The following COLQ variants were observed in gnomAD, a reference collection of about 807,000 sequenced individuals.
The protein encoded by COLQ is collagen like tail subunit of asymmetric acetylcholinesterase.
Under a neutral mutation model 69.0 loss-of-function variants are expected in COLQ, and 48 were observed. The observed-to-expected ratio is 0.70, with a 90% CI of 0.55 to 0.88. The LOEUF (loss-of-function observed/expected upper bound fraction) is 0.88. Among genes scored for constraint, COLQ ranks in the 40% least tolerant of loss-of-function variants. The probability of loss-of-function intolerance (pLI) is 0.00; values close to 1 mark genes in which losing one functional copy is unlikely to be tolerated. For missense variants in COLQ, 618 were observed against 594.6 expected (o/e 1.04, Z -0.41); for synonymous variants, 217 against 211.2 (o/e 1.03, Z -0.24).
chr3:15,458,043 A>G (rs1189729498), intron 13 of COLQ, 143 bp downstream of exon 13: 1 of 853,576 alleles, frequency 1.2e-6, no homozygotes, highest in Non-Finnish European at 1.9e-6. Context: ...ATTTTCTCAT[A>G]TTTTCCAATT....
chr3:15,511,597 G>C (rs953466583), intron 1 of COLQ, among the ~76,000 whole-genome samples: 1 of 152,108 alleles, frequency 6.6e-6, no homozygotes, highest in South Asian at 2.1e-4. Context: ...TAGAGACAGG[G>C]GACTCCTGTG....
intron 12 of COLQ, among the ~76,000 whole-genome samples, chr3:15,459,891 T>A (rs1415396510): frequency 1.3e-5 from 2 of 152,068 alleles, no homozygotes; most frequent in Non-Finnish European, 2.9e-5. Context: ...TCCATATTTT[T>A]AAAAGCTCTC....
At chr3:15,452,734 G>C (rs73146103) in intron 16 of COLQ, among the ~76,000 whole-genome samples, 9,903 of 152,260 alleles carry the variant, frequency 0.065, 561 homozygotes, top group African/African-American at 0.15. Flanking sequence ...ATGGAGTGGG[G>C]TCCTGGCCAA....
At chr3:15,496,370 T>C (rs2062745848) in intron 1 of COLQ, 1 of 155,972 alleles carries the variant, frequency 6.4e-6, no homozygotes, top group African/African-American at 2.4e-5. Context: ...CAGGTGGACG[T>C]GTTTGGGAGC....
chr3:15,463,863 G>A (rs2062158580), intron 12 of COLQ, among the ~76,000 whole-genome samples: 1 of 152,204 alleles, frequency 6.6e-6, no homozygotes, highest in Non-Finnish European at 1.5e-5. Flanking sequence ...ATTATGGAGT[G>A]TGGGCACATG....
chr3:15,470,576 T>G lies in COLQ; in HGVS notation c.677A>C (p.His226Pro). ...TCCTGGTCTTCCTGTGGGTCCTCGG[T>G]GTCCTGCTATCCCAGGTTCACCTTT... Reference protein sequence around the residue: ...GPKGEPGIAGHRGPTGRPGKR... With the variant: ...GPKGEPGIAGPRGPTGRPGKR... The change falls in exon 11 of 17, where the codon CAC becomes CCC. Residue 226 changes from histidine to proline, a missense_variant. His to Pro is a moderately conservative substitution (Grantham distance 77). Transcript: ENST00000383788. The G allele has an allele frequency of 6.2e-7, 1 of 1,614,110 alleles. No individual in the cohort carries two copies. The highest frequency in any genetic ancestry group is 8.5e-7 in the Non-Finnish European group (1 of 1,180,022).
intron 1 of COLQ, among the ~76,000 whole-genome samples, chr3:15,512,219 C>T (rs181106835): frequency 2.6e-5 from 4 of 152,254 alleles, no homozygotes; most frequent in Admixed American, 2.0e-4. Context: ...GGAACCTGCC[C>T]GACTCACACC....
chr3:15,520,868 C>G (rs1234311916), intron 1 of COLQ, among the ~76,000 whole-genome samples: 3 of 152,162 alleles, frequency 2.0e-5, no homozygotes, highest in Non-Finnish European at 2.9e-5. Context: ...CTGTGGAACC[C>G]CCTCCACTTC....
chr3:15,469,524 CG>C (rs1355060335), intron 11 of COLQ, among the ~76,000 whole-genome samples: 1 of 152,156 alleles, frequency 6.6e-6, no homozygotes. Context: ...ATTGTAACTT[CG>C]AAAGTTACTG....
intron 1 of COLQ, among the ~76,000 whole-genome samples, chr3:15,515,825 A>G (rs2063053880): frequency 6.6e-6 from 1 of 152,230 alleles, no homozygotes; most frequent in African/African-American, 2.4e-5. Context: ...AAAATAAAAA[A>G]TAAAATAAAA....
At chr3:15,471,236 A>C (rs1329164764) in intron 10 of COLQ, among the ~76,000 whole-genome samples, 1 of 152,230 alleles carries the variant, frequency 6.6e-6, no homozygotes, top group Non-Finnish European at 1.5e-5. Context: ...AGATGTTCCA[A>C]ACATATGTTC....
At chr3:15,493,658 C>A (rs761134071) in intron 1 of COLQ, among the ~76,000 whole-genome samples, 2 of 152,232 alleles carry the variant, frequency 1.3e-5, no homozygotes, top group Non-Finnish European at 2.9e-5. Flanking sequence ...GTCATGGGGG[C>A]AGCTAAGCAG....
At chr3:15,511,329 A>G (rs1406932676) in intron 1 of COLQ, among the ~76,000 whole-genome samples, 1 of 152,242 alleles carries the variant, frequency 6.6e-6, no homozygotes, top group African/African-American at 2.4e-5. Flanking sequence ...TCTACTGGAC[A>G]TGAACAAAAT....
At chr3:15,465,238 TTATTTA>T (rs2062180345) in intron 12 of COLQ, among the ~76,000 whole-genome samples, 1 of 119,208 alleles carries the variant, frequency 8.4e-6, no homozygotes, top group Admixed American at 9.5e-5. Context: ...ATATTTTGAT[TTATTTA>T]TTTATTTATT....
chr3:15,480,112 C>T (rs2100545), intron 3 of COLQ, among the ~76,000 whole-genome samples: 53,872 of 152,060 alleles, frequency 0.35, 9,851 homozygotes, highest in East Asian at 0.49. Flanking sequence ...ATCAAAATTC[C>T]CCAGGCCCCC....
In COLQ at chr3:15,450,521, C is replaced by A. The variant is rs1021956084; in HGVS notation, c.*1123G>T. ...TTCCAGAATAAAACTAAGCCCTACT[C>A]AGGAAAAATGGTGATGAAAGGCAGC... On this transcript the variant is annotated 3_prime_UTR_variant, in exon 17 of 17. Transcript: ENST00000383788. The A allele has an allele frequency of 6.5e-6, 1 of 153,762 alleles. No homozygotes were observed. Among genetic ancestry groups the A allele is most frequent in the African/African-American group, 2.4e-5 (1 of 41,426 alleles). The allele number at this position is 153,762 out of a possible 1,614,324, so 9.5% of individuals were successfully genotyped here.
chr3:15,455,218 C>T (rs1195950485), intron 15 of COLQ, among the ~76,000 whole-genome samples: 1 of 152,154 alleles, frequency 6.6e-6, no homozygotes, highest in Non-Finnish European at 1.5e-5. Flanking sequence ...TGTAAATTGC[C>T]CCCCATTACC....
intron 1 of COLQ, 86 bp from the exon 2 acceptor site, chr3:15,489,723 G>T: frequency 8.7e-7 from 1 of 1,146,898 alleles, no homozygotes; most frequent in Non-Finnish European, 1.3e-6. Context: ...GACCCATCCT[G>T]CCACCCCAGA....
At chr3:15,499,146 AAAC>A (rs1357815454) in intron 1 of COLQ, among the ~76,000 whole-genome samples, 3 of 152,108 alleles carry the variant, frequency 2.0e-5, no homozygotes, top group Admixed American at 6.5e-5. Context: ...AACGTAACTA[AAAC>A]AACAACAACG....
Sources: gnomAD v4.1 joint callset for allele counts (sites outside exome capture counted in the v4.1 genomes callset) on GRCh38, gnomAD v4.1.1 for gene constraint, MANE v1.5 for transcripts, NCBI Gene and HGNC (gene_info 2026-07-23, HGNC 2026-07-21) for gene names.